The following PAPSS2 variants were observed in gnomAD, a reference collection of about 807,000 sequenced individuals.
PAPSS2 encodes bifunctional 3'-phosphoadenosine 5'-phosphosulfate synthase 2.
A neutral mutation model predicts 66.5 loss-of-function variants in PAPSS2; 61 were observed. The ratio of observed to expected loss-of-function variants is 0.92; its 90% confidence interval spans 0.75 to 1.14. PAPSS2 has a LOEUF of 1.14. PAPSS2 is among the 50% of genes most tolerant of loss of function. The pLI, the probability that PAPSS2 is intolerant of heterozygous loss-of-function variation, is 0.00. For missense variants in PAPSS2, 708 were observed against 789.6 expected, an observed-to-expected ratio of 0.90 and a Z score of 1.24; for synonymous variants, 289 against 287.5, an observed-to-expected ratio of 1.01 and a Z score of -0.05.
At chr10:87,738,405 CTGTGTGTGTGTATGTGTG>C (rs749731224) in intron 9 of PAPSS2, among the ~76,000 whole-genome samples, 2 of 148,124 alleles carry the variant, frequency 1.4e-5, no homozygotes, top group African/African-American at 5.1e-5. Flanking sequence ...TTTTTCTTTT[CTGTGTGTGTGTATGTGTG>C]TGTGTGTGTG....
chr10:87,712,615 C>T (rs1853476085), intron 2 of PAPSS2, among the ~76,000 whole-genome samples: 1 of 152,102 alleles, frequency 6.6e-6, no homozygotes, highest in African/African-American at 2.4e-5. Context: ...ACCACCACAC[C>T]CGGCTAATTT....
rs369859252 is a variant in PAPSS2, at chr10:87,659,953, G to C, written c.-29G>C. 1.1e-5 allele frequency: 18 copies of C among 1,611,682 alleles called. No individual in the cohort carries two copies. Among genetic ancestry groups the C allele is most frequent in the South Asian group, 8.8e-5 (8 of 90,868 alleles). On this transcript the variant is annotated 5_prime_UTR_variant, in exon 1 of 13. Coordinates refer to ENST00000456849, the MANE Select transcript of PAPSS2 (RefSeq NM_001015880.2). ...CTGCGTCCTTCGGTCTCTGCTCCCG[G>C]GACCCGGGCTCCGCCGCAGCCAGCC... is the stretch of plus-strand genomic sequence containing the variant.
chr10:87,721,898 T>C (rs1853602967), intron 8 of PAPSS2, 128 bp downstream of exon 8: 2 of 624,488 alleles, frequency 3.2e-6, no homozygotes, highest in East Asian at 5.8e-5. Context: ...TAGTTCATGA[T>C]CCAACCAGCT....
intron 7 of PAPSS2, among the ~76,000 whole-genome samples, chr10:87,721,297 C>T (rs1853597066): frequency 6.6e-6 from 1 of 152,148 alleles, no homozygotes; most frequent in African/African-American, 2.4e-5. Context: ...TGTCCTCTAA[C>T]CATGTGAGAT....
chr10:87,661,606 C>T (rs770377469), intron 1 of PAPSS2, among the ~76,000 whole-genome samples: 1 of 152,044 alleles, frequency 6.6e-6, no homozygotes, highest in Non-Finnish European at 1.5e-5. Context: ...GAGGTGGTCT[C>T]TCCTCTTGAT....
At chr10:87,669,104 A>G in intron 1 of PAPSS2, among the ~76,000 whole-genome samples, 1 of 152,174 alleles carries the variant, frequency 6.6e-6, no homozygotes, top group East Asian at 1.9e-4. Flanking sequence ...AATATTTTTG[A>G]TTGGCCGGAC....
intron 1 of PAPSS2, among the ~76,000 whole-genome samples, chr10:87,688,758 A>C (rs1390025575): frequency 1.3e-5 from 2 of 151,892 alleles, no homozygotes; most frequent in African/African-American, 4.8e-5. Context: ...AGGCCGGCAG[A>C]ACTATGGAAA....
At chr10:87,707,162 C>A (rs1439525673) in intron 1 of PAPSS2, among the ~76,000 whole-genome samples, 2 of 152,182 alleles carry the variant, frequency 1.3e-5, no homozygotes, top group Non-Finnish European at 2.9e-5. Flanking sequence ...TTTCTTAACA[C>A]CCCTAAAGGG....
intron 1 of PAPSS2, among the ~76,000 whole-genome samples, chr10:87,674,564 T>C (rs1852920808): frequency 6.6e-6 from 1 of 152,172 alleles, no homozygotes; most frequent in Non-Finnish European, 1.5e-5. Flanking sequence ...CTTGTGACTA[T>C]GTCACCAGTA....
At chr10:87,699,367 C>A (rs1273753501) in intron 1 of PAPSS2, among the ~76,000 whole-genome samples, 1 of 152,244 alleles carries the variant, frequency 6.6e-6, no homozygotes, top group African/African-American at 2.4e-5. Flanking sequence ...TGGCTCACTG[C>A]AGCCTCCTGG....
At chr10:87,691,845 A>G (rs1052326552) in intron 1 of PAPSS2, among the ~76,000 whole-genome samples, 2 of 152,146 alleles carry the variant, frequency 1.3e-5, no homozygotes, top group Non-Finnish European at 2.9e-5. Context: ...AGTCACAGCT[A>G]CTTGGAAGGC....
Position 87,727,285 on chromosome 10 carries a change from T to A in PAPSS2, c.882T>A (p.Asp294Glu), listed in dbSNP as rs762509625. Residue 294 changes from aspartate (D) to glutamate (E), a missense_variant and splice_region_variant, in exon 9 of 13, where the codon GAT becomes GAA. Physicochemically the swap from Asp to Glu is conservative, Grantham distance 45. Coordinates refer to ENST00000456849, the MANE Select transcript of PAPSS2 (RefSeq NM_001015880.2). ...DTLLDGMALPDGVINMSIPIV... is the reference protein window; with the variant it reads ...DTLLDGMALPEGVINMSIPIV... ...TGCATCACATGGCTCTTTCCACAGA[T>A]GGCGTGATCAACATGAGCATCCCCA... is the stretch of plus-strand genomic sequence containing the variant. 8 of 1,612,890 alleles carry A rather than the reference T, an allele frequency of 5.0e-6. No individual in the cohort carries two copies. The highest frequency in any genetic ancestry group is 6.8e-6 in the Non-Finnish European group (8 of 1,179,846).
intron 1 of PAPSS2, chr10:87,704,041 A>G: frequency 2.0e-6 from 1 of 501,022 alleles, no homozygotes; most frequent in South Asian, 1.5e-5. Context: ...CAAGAAAAAG[A>G]AAAGTTTTTG....
chr10:87,674,207 C>T (rs1852916109), intron 1 of PAPSS2, among the ~76,000 whole-genome samples: 1 of 152,216 alleles, frequency 6.6e-6, no homozygotes, highest in East Asian at 1.9e-4. Context: ...CTCTGTCTCC[C>T]AGGCTGGAGT....
chr10:87,718,078 T>C (rs1395600391), intron 7 of PAPSS2, among the ~76,000 whole-genome samples: 1 of 150,890 alleles, frequency 6.6e-6, no homozygotes, highest in African/African-American at 2.4e-5. Flanking sequence ...AGTCTTGCTC[T>C]GTCACCCAGG....
chr10:87,703,795 C>G (rs748693098), intron 1 of PAPSS2: 5 of 518,812 alleles, frequency 9.6e-6, no homozygotes, highest in Non-Finnish European at 1.9e-5. Flanking sequence ...GTCTTAGGGA[C>G]CCAGTATAGA....
chr10:87,676,941 C>T (rs1852957291), intron 1 of PAPSS2, among the ~76,000 whole-genome samples: 1 of 141,984 alleles, frequency 7.0e-6, no homozygotes, highest in Non-Finnish European at 1.5e-5. Flanking sequence ...TGCCTATAAT[C>T]CCAGCACTTT....
intron 8 of PAPSS2, among the ~76,000 whole-genome samples, chr10:87,724,797 G>A (rs1232835485): frequency 7.2e-6 from 1 of 139,628 alleles, no homozygotes; most frequent in Non-Finnish European, 1.5e-5. Flanking sequence ...ATATCTGTAT[G>A]TTACATATGG....
intron 1 of PAPSS2, among the ~76,000 whole-genome samples, chr10:87,707,376 G>A (rs61853159): frequency 0.022 from 3,331 of 152,190 alleles, 74 homozygotes; most frequent in East Asian, 0.12. Context: ...CAGCCTATCT[G>A]GTTTGGGGGG....
Sources: gnomAD v4.1 joint callset for allele counts (sites outside exome capture counted in the v4.1 genomes callset) on GRCh38, gnomAD v4.1.1 for gene constraint, MANE v1.5 for transcripts, NCBI Gene and HGNC (gene_info 2026-07-23, HGNC 2026-07-21) for gene names.